NF1: variants seen among roughly 807,000 people sequenced by gnomAD.
NF1 encodes the protein neurofibromin.
A neutral mutation model predicts 325.7 loss-of-function variants in NF1; 122 were observed. The observed-to-expected ratio is 0.37, with a 90% CI of 0.32 to 0.44. The LOEUF is 0.44. Ranked by LOEUF, NF1 falls within the 20% of genes least tolerant of loss-of-function variation. NF1 has a pLI of 1.00. For missense variants in NF1, 2,140 were observed against 3,415.4 expected (o/e 0.63, Z 9.31); for synonymous variants, 1,091 against 1,186.0 (o/e 0.92, Z 1.65).
At chr17:31,161,718 C>T (rs116953932) in intron 3 of NF1, among the ~76,000 whole-genome samples, 1 of 152,144 alleles carries the variant, frequency 6.6e-6, no homozygotes, top group Non-Finnish European at 1.5e-5. Flanking sequence ...CTAATCAGAC[C>T]ATTAGGTTTA....
chr17:31,146,384 A>G (rs1916587163), intron 1 of NF1, among the ~76,000 whole-genome samples: 1 of 151,946 alleles, frequency 6.6e-6, no homozygotes, highest in Admixed American at 6.6e-5. Context: ...CCCAACACAT[A>G]CAGATTTAGA....
intron 36 of NF1, among the ~76,000 whole-genome samples, chr17:31,324,420 T>C (rs1195634015): frequency 6.6e-6 from 1 of 152,136 alleles, no homozygotes; most frequent in Non-Finnish European, 1.5e-5. Context: ...TAAATCAGGG[T>C]GATTAGGATA....
At chr17:31,140,912 G>A (rs144468631) in intron 1 of NF1, among the ~76,000 whole-genome samples, 76 of 152,258 alleles carry the variant, frequency 5.0e-4, no homozygotes, top group African/African-American at 1.7e-3. Flanking sequence ...TCAAGTATAC[G>A]GAGACAGAGA....
intron 8 of NF1, among the ~76,000 whole-genome samples, chr17:31,197,851 GA>G (rs2066461572): frequency 6.6e-6 from 1 of 152,160 alleles, no homozygotes; most frequent in Non-Finnish European, 1.5e-5. Flanking sequence ...AATAGAAGAA[GA>G]AAAAGTGGGC....
chr17:31,288,522 GTTTTTTTTTTT>G (rs200926157), intron 36 of NF1, among the ~76,000 whole-genome samples: 23 of 119,714 alleles, frequency 1.9e-4, no homozygotes, highest in Non-Finnish European at 3.8e-4. Flanking sequence ...TTTTTGCTTT[GTTTTTTTTTTT>G]TTTTTTTTTT....
rs192075860 is a variant in NF1, at chr17:31,149,559, G to T, written c.61-6424G>T. Among the ~76,000 whole-genome samples, 3 of 152,234 alleles carry T rather than the reference G, an allele frequency of 2.0e-5. No individual in the cohort carries two copies. In the East Asian group the frequency reaches 5.8e-4, roughly 29 times the overall value. On this transcript the variant is annotated intron_variant, in intron 1 of 57. Coordinates refer to ENST00000358273, the MANE Select transcript of NF1 (RefSeq NM_001042492.3). Reference sequence around the variant, plus strand: ...GCCTCAGCATATATTTTTGTATTTAGAAAGATTTATTCAGACCAGCGTTCA... The same window carrying T: ...GCCTCAGCATATATTTTTGTATTTATAAAGATTTATTCAGACCAGCGTTCA...
chr17:31,142,647 C>A (rs1916305006), intron 1 of NF1, among the ~76,000 whole-genome samples: 1 of 152,096 alleles, frequency 6.6e-6, no homozygotes, highest in Admixed American at 6.5e-5. Context: ...GTGGGCAGAT[C>A]ACGAGGTCAG....
chr17:31,314,436 C>T (rs1187879861), intron 36 of NF1: 2 of 156,046 alleles, frequency 1.3e-5, no homozygotes, highest in African/African-American at 4.8e-5. Context: ...TTAGGCAAGA[C>T]TCTGCACTTC....
chr17:31,116,588 T>A (rs1374681839), intron 1 of NF1, among the ~76,000 whole-genome samples: 1 of 152,144 alleles, frequency 6.6e-6, no homozygotes, highest in Non-Finnish European at 1.5e-5. Flanking sequence ...CATGACCACA[T>A]CTTTGAAATA....
At chr17:31,259,624 CTT>C (rs535787792) in intron 33 of NF1, among the ~76,000 whole-genome samples, 23 of 152,192 alleles carry the variant, frequency 1.5e-4, no homozygotes, top group African/African-American at 5.1e-4. Context: ...TTTTAGAAAA[CTT>C]TTCTGCTAGA....
intron 54 of NF1, 133 bp downstream of exon 54, chr17:31,357,502 G>T: frequency 1.4e-6 from 1 of 738,222 alleles, no homozygotes; most frequent in African/African-American, 1.7e-5. Context: ...TGAGACAGTA[G>T]GTTTAATGAG....
At chr17:31,318,274 T>G (rs895220199) in intron 36 of NF1, 23 of 1,572,898 alleles carry the variant, frequency 1.5e-5, no homozygotes, top group Non-Finnish European at 1.8e-5. Flanking sequence ...TCCATAAGCC[T>G]TCTCATTGCT....
chr17:31,131,318 C>T (rs1419595290), intron 1 of NF1, among the ~76,000 whole-genome samples: 1 of 152,186 alleles, frequency 6.6e-6, no homozygotes, highest in Non-Finnish European at 1.5e-5. Context: ...GAGGAGTCTC[C>T]TTCTGCAGGG....
chr17:31,273,262 AAAG>A, intron 36 of NF1, among the ~76,000 whole-genome samples: 1 of 152,352 alleles, frequency 6.6e-6, no homozygotes, highest in South Asian at 2.1e-4. Context: ...CCCAAAGACT[AAAG>A]AGGTTAAACC....
intron 4 of NF1, among the ~76,000 whole-genome samples, chr17:31,166,709 G>A (rs917629315): frequency 1.3e-5 from 2 of 151,918 alleles, no homozygotes; most frequent in African/African-American, 2.4e-5. Context: ...GAGTGGGGGC[G>A]GCAGGGGGAG....
At chr17:31,097,019 A>G (rs951298691) in intron 1 of NF1, among the ~76,000 whole-genome samples, 1 of 152,246 alleles carries the variant, frequency 6.6e-6, no homozygotes, top group African/African-American at 2.4e-5. Flanking sequence ...ATCTGGATGT[A>G]GGAAATTGAA....
At chr17:31,295,244 G>T in intron 36 of NF1, 1 of 1,614,098 alleles carries the variant, frequency 6.2e-7, no homozygotes, top group Non-Finnish European at 8.5e-7. Flanking sequence ...GCTTGTGTTT[G>T]TGACCATTCC....
chr17:31,325,991 T>C lies in NF1; in HGVS notation c.5007T>C (p.Phe1669=), dbSNP rs761807609. ...AGTGGTTTGTTGTTTTTCCTGGCTT[T>C]GCTTACGACAACGTCTCCGCAGTCT... ...LSKWFVVFPG[F]AYDNVSAVYI... Residue 1669 remains phenylalanine (F), a synonymous_variant, in exon 37 of 58, where the codon TTT becomes TTC. Transcript: ENST00000358273. 10 of 1,614,126 alleles carry C rather than the reference T, an allele frequency of 6.2e-6. No individual in the cohort carries two copies. The highest frequency in any genetic ancestry group is 6.8e-6 in the Non-Finnish European group (8 of 1,180,054).
intron 51 of NF1, among the ~76,000 whole-genome samples, chr17:31,355,587 G>A (rs911456088): frequency 6.6e-6 from 1 of 152,212 alleles, no homozygotes; most frequent in Non-Finnish European, 1.5e-5. Flanking sequence ...GGTGGCTCAT[G>A]CCTGTAATCC....
Sources: allele counts gnomAD v4.1 joint callset (sites outside exome capture counted in the v4.1 genomes callset), GRCh38; gene constraint gnomAD v4.1.1; transcripts MANE v1.5; gene names NCBI Gene and HGNC (gene_info 2026-07-23, HGNC 2026-07-21).